The following RANBP2 variants were observed in gnomAD, a reference collection of about 807,000 sequenced individuals.
The protein encoded by RANBP2 is RAN binding protein 2, also known as E3 SUMO-protein ligase RanBP2.
RANBP2 carries 57 observed loss-of-function variants against 303.6 expected under a neutral mutation model. The observed-to-expected ratio is 0.19, with a 90% CI of 0.15 to 0.23. The LOEUF is 0.23. Ranked by LOEUF, RANBP2 falls within the 10% of genes least tolerant of loss-of-function variation. The probability of loss-of-function intolerance (pLI) is 1.00; values close to 1 mark genes in which losing one functional copy is unlikely to be tolerated. For synonymous variants in RANBP2, 1,167 were observed against 1,301.5 expected (o/e 0.90, Z 2.23); for missense variants, 3,138 against 3,780.8 (o/e 0.83, Z 4.46).
chr2:109,007,388 G>A, the RANBP2 span, among the ~76,000 whole-genome samples: 1 of 152,220 alleles, frequency 6.6e-6, no homozygotes, highest in Non-Finnish European at 1.5e-5. Context: ...ACTTAGCTCT[G>A]CAATTTCTGG....
At chr2:109,342,216 G>A in the RANBP2 span, among the ~76,000 whole-genome samples, 7 of 152,282 alleles carry the variant, frequency 4.6e-5, no homozygotes, top group South Asian at 1.0e-3. Flanking sequence ...TCCCCATTCC[G>A]CCAGGCCCAG....
At chr2:109,020,661 C>G in the RANBP2 span, among the ~76,000 whole-genome samples, 1 of 152,160 alleles carries the variant, frequency 6.6e-6, no homozygotes, top group Non-Finnish European at 1.5e-5. Flanking sequence ...TGTGACAACA[C>G]CAGGAGGTCA....
the RANBP2 span, among the ~76,000 whole-genome samples, chr2:108,921,070 G>C: frequency 6.6e-6 from 1 of 152,212 alleles, no homozygotes; most frequent in Middle Eastern, 3.2e-3. Flanking sequence ...CGAGTCATAA[G>C]AAACCCCCAG....
chr2:108,996,502 C>T, the RANBP2 span, among the ~76,000 whole-genome samples: 1 of 152,178 alleles, frequency 6.6e-6, no homozygotes, highest in Non-Finnish European at 1.5e-5. Flanking sequence ...ATTAAGCAGG[C>T]CCATTAACGG....
chr2:109,451,778 G>A, the RANBP2 span, among the ~76,000 whole-genome samples: 1 of 152,372 alleles, frequency 6.6e-6, no homozygotes, highest in Admixed American at 6.5e-5. Context: ...GCCCTGCCAT[G>A]CAAGCTGCAC....
chr2:108,861,018 A>AG, the RANBP2 span, among the ~76,000 whole-genome samples: 1 of 126,450 alleles, frequency 7.9e-6, no homozygotes, highest in South Asian at 2.5e-4. Flanking sequence ...TGGTCTGTTC[A>AG]GGGTTTCAAT....
At chr2:109,131,972 G>A in the RANBP2 span, among the ~76,000 whole-genome samples, 2 of 152,144 alleles carry the variant, frequency 1.3e-5, no homozygotes, top group African/African-American at 2.4e-5. Context: ...CACATGCTTC[G>A]GGAGTGGGAA....
chr2:109,545,753 G>A, the RANBP2 span: 1 of 1,426,806 alleles, frequency 7.0e-7, no homozygotes. Flanking sequence ...TATTCAATAA[G>A]AGCAGCCATT....
At chr2:109,616,424 G>A in the RANBP2 span, 1 of 176,868 alleles carries the variant, frequency 5.7e-6, no homozygotes, top group African/African-American at 2.4e-5. Flanking sequence ...GAATAATGCA[G>A]TTTTTATGTA....
At chr2:108,873,512 G>T in the RANBP2 span, 2 of 1,612,470 alleles carry the variant, frequency 1.2e-6, no homozygotes, top group South Asian at 1.1e-5. Context: ...CTTGCTCTGT[G>T]CTGCTTCGAG....
the RANBP2 span, among the ~76,000 whole-genome samples, chr2:108,836,438 T>C: frequency 2.0e-5 from 3 of 152,234 alleles, no homozygotes; most frequent in African/African-American, 7.2e-5. Flanking sequence ...ATCTCATGGC[T>C]ATTGTGAATA....
At chr2:109,588,586 C>A in the RANBP2 span, among the ~76,000 whole-genome samples, 1 of 152,008 alleles carries the variant, frequency 6.6e-6, no homozygotes, top group South Asian at 2.1e-4. Flanking sequence ...CTCCGCCCCC[C>A]AGGTTCAAGG....
chr2:109,312,833 T>G, the RANBP2 span, among the ~76,000 whole-genome samples: 5 of 152,240 alleles, frequency 3.3e-5, no homozygotes, highest in African/African-American at 1.2e-4. Context: ...CACTTAACAT[T>G]TGGGTACAAA....
the RANBP2 span, among the ~76,000 whole-genome samples, chr2:108,976,405 A>G: frequency 6.6e-6 from 1 of 152,346 alleles, no homozygotes; most frequent in East Asian, 1.9e-4. Flanking sequence ...AGCATGGCTC[A>G]GGATTGCTGA....
the RANBP2 span, among the ~76,000 whole-genome samples, chr2:109,516,466 G>C: frequency 6.6e-6 from 1 of 152,236 alleles, no homozygotes; most frequent in Non-Finnish European, 1.5e-5. Context: ...GGCCTGTCCT[G>C]ATATGCGGAC....
the RANBP2 span, among the ~76,000 whole-genome samples, chr2:109,279,855 G>T: frequency 6.6e-6 from 1 of 152,122 alleles, no homozygotes. Context: ...CTGCCCTGTA[G>T]CGAGGCTTAG....
the RANBP2 span, among the ~76,000 whole-genome samples, chr2:109,364,097 G>A: frequency 1.3e-5 from 2 of 149,524 alleles, no homozygotes; most frequent in Admixed American, 1.3e-4. Context: ...CATTACATAT[G>A]TATAATTGCC....
At chr2:109,503,408 C>T in the RANBP2 span, 6 of 152,122 alleles carry the variant, frequency 3.9e-5, no homozygotes. Context: ...TTGTTACTTC[C>T]AGGTGGTCAC....
chr2:109,549,966 G>A, the RANBP2 span, among the ~76,000 whole-genome samples: 15 of 152,090 alleles, frequency 9.9e-5, 1 homozygote, highest in Admixed American at 8.5e-4. Context: ...ACTGTACAAT[G>A]CTGTATCTTT....
Sources: gnomAD v4.1 joint callset for allele counts (sites outside exome capture counted in the v4.1 genomes callset) on GRCh38, gnomAD v4.1.1 for gene constraint, MANE v1.5 for transcripts, NCBI Gene and HGNC (gene_info 2026-07-23, HGNC 2026-07-21) for gene names.